OSBPL10: variants seen among roughly 807,000 people sequenced by gnomAD.
OSBPL10 encodes the protein oxysterol binding protein like 10.
OSBPL10 carries 49 observed loss-of-function variants against 81.7 expected under a neutral mutation model. The ratio of observed to expected loss-of-function variants is 0.60; its 90% CI spans 0.48 to 0.76. OSBPL10 has a LOEUF of 0.76. OSBPL10 is among the 30% of genes least tolerant of loss of function. OSBPL10 has a pLI of 0.00. For missense variants in OSBPL10, 923 were observed against 987.8 expected (o/e 0.93, Z 0.88); for synonymous variants, 419 against 383.6 (o/e 1.09, Z -1.08).
At chr3:31,762,895 A>G (rs1252569750) in intron 4 of OSBPL10, among the ~76,000 whole-genome samples, 1 of 152,072 alleles carries the variant, frequency 6.6e-6, no homozygotes, top group African/African-American at 2.4e-5. Flanking sequence ...TCCTCACCTC[A>G]TGACCAGGAA....
intron 8 of OSBPL10, among the ~76,000 whole-genome samples, chr3:31,680,782 G>A (rs763184379): frequency 2.0e-5 from 3 of 152,084 alleles, no homozygotes; most frequent in Non-Finnish European, 1.5e-5. Flanking sequence ...GCATATGGTG[G>A]ACAAATGCCC....
chr3:31,716,152 G>A (rs1011331379), intron 6 of OSBPL10, among the ~76,000 whole-genome samples: 1 of 152,162 alleles, frequency 6.6e-6, no homozygotes, highest in Non-Finnish European at 1.5e-5. Flanking sequence ...TACAGACACA[G>A]AAACTCTGGG....
intron 1 of OSBPL10, among the ~76,000 whole-genome samples, chr3:32,055,191 CTTTTTTTTTTTTTT>C (rs139735770): frequency 2.7e-4 from 16 of 58,248 alleles, no homozygotes; most frequent in African/African-American, 8.2e-4. Flanking sequence ...CTATTTATAG[CTTTTTTTTTTTTTT>C]TTTTTTTTTT....
intron 4 of OSBPL10, among the ~76,000 whole-genome samples, chr3:31,789,394 G>A (rs1024685931): frequency 2.0e-5 from 3 of 152,294 alleles, no homozygotes; most frequent in Admixed American, 1.3e-4. Flanking sequence ...CATCATGAAA[G>A]AGTAGTCTAG....
chr3:32,017,020 T>A (rs1001168673), intron 2 of OSBPL10, among the ~76,000 whole-genome samples: 1 of 152,214 alleles, frequency 6.6e-6, no homozygotes, highest in Admixed American at 6.5e-5. Flanking sequence ...TAATGTTTTA[T>A]AATAAAGTGT....
chr3:31,736,010 A>G (rs571309385), intron 5 of OSBPL10, among the ~76,000 whole-genome samples: 4 of 152,308 alleles, frequency 2.6e-5, no homozygotes, highest in Admixed American at 6.5e-5. Flanking sequence ...TCGGAGACAG[A>G]AAACTTTAAG....
chr3:31,874,118 T>C (rs1010621305), intron 3 of OSBPL10, among the ~76,000 whole-genome samples: 42 of 152,166 alleles, frequency 2.8e-4, no homozygotes, highest in African/African-American at 9.6e-4. Context: ...AATTCTTTTT[T>C]TTTTTTTAAC....
intron 1 of OSBPL10, among the ~76,000 whole-genome samples, chr3:31,940,990 G>A (rs1697520533): frequency 6.6e-6 from 1 of 152,124 alleles, no homozygotes; most frequent in Non-Finnish European, 1.5e-5. Flanking sequence ...TCCCCAGAAT[G>A]TGAATTCCCT....
chr3:31,772,605 A>C lies in OSBPL10; in HGVS notation c.730-24485T>G, dbSNP rs184391012. Among the ~76,000 whole-genome samples, 26 of 152,220 alleles carry C rather than the reference A, an allele frequency of 1.7e-4. No individual in the cohort carries two copies. In the East Asian group the frequency reaches 4.1e-3, roughly 24 times the overall value. ...GGGGCCCCAGAGCTGAGCTTCTTCC[A>C]CTGCACTGCACTGCCCCTGCCGTCT... is the stretch of plus-strand genomic sequence containing the variant. On this transcript the variant is annotated intron_variant, in intron 4 of 11. Transcript: ENST00000396556.
At position 32,061,210 on chromosome 3, in the gene OSBPL10, T is replaced by C. The variant is rs1220493333; in HGVS notation, n.186-14607A>G. Among the ~76,000 whole-genome samples the C allele has an allele frequency of 5.5e-5, 5 of 90,910 alleles. 1 individual carries two copies. Among genetic ancestry groups the C allele is most frequent in the African/African-American group, 1.4e-4 (5 of 35,584 alleles). The allele number at this position is 90,910 out of a possible 152,430, so 59.6% of individuals were successfully genotyped here. A position where few individuals can be genotyped will look rare whatever the true frequency, so the allele number is the denominator to read the frequency against. ...CTCTGTCCCCTGAGCACCCCACAGCTCCCCTCTCACCTTATTGTAACTCTT... is the reference window on the plus strand; with the variant it reads ...CTCTGTCCCCTGAGCACCCCACAGCCCCCCTCTCACCTTATTGTAACTCTT... On this transcript the variant is annotated intron_variant and non_coding_transcript_variant, in intron 1 of 3. Transcript: ENST00000479173.
intron 7 of OSBPL10, among the ~76,000 whole-genome samples, chr3:31,700,098 C>T (rs1695847337): frequency 6.6e-6 from 1 of 152,094 alleles, no homozygotes; most frequent in Admixed American, 6.5e-5. Flanking sequence ...AGTATTTCAG[C>T]TTGTCAAGTC....
intron 4 of OSBPL10, among the ~76,000 whole-genome samples, chr3:31,812,753 A>AGAAAGAAAG (rs1559476205): frequency 2.8e-5 from 1 of 35,798 alleles, no homozygotes; most frequent in African/African-American, 1.2e-4. Context: ...AAAGAAAGAA[A>AGAAAGAAAG]GAAAGAAAGA....
In OSBPL10 at chr3:31,661,612, C is replaced by T. The variant is rs937951046; in HGVS notation, c.*460G>A. Reference sequence around the variant, plus strand: ...CCATACTTCTACCAGGAATGAGCCACTTTCTCCCTTATGGACAGTGATCGG... The same window carrying T: ...CCATACTTCTACCAGGAATGAGCCATTTTCTCCCTTATGGACAGTGATCGG... On this transcript the variant is annotated 3_prime_UTR_variant, in exon 12 of 12. Coordinates refer to ENST00000396556, the MANE Select transcript of OSBPL10 (RefSeq NM_017784.5). 1.3e-5 allele frequency: 2 copies of T among 152,586 alleles called. No individual in the cohort carries two copies. Among genetic ancestry groups the T allele is most frequent in the Non-Finnish European group, 2.9e-5 (2 of 68,328 alleles). The allele number at this position is 152,586 out of a possible 1,614,324, so 9.5% of individuals were successfully genotyped here.
At chr3:31,876,666 CG>C (rs1467131449) in intron 2 of OSBPL10, among the ~76,000 whole-genome samples, 154 bp from the exon 3 acceptor site, 1 of 152,166 alleles carries the variant, frequency 6.6e-6, no homozygotes, top group Non-Finnish European at 1.5e-5. Flanking sequence ...CGTTCTCAAG[CG>C]GCCTGTACTT....
chr3:32,059,593 A>AAAAAC (rs767750962), intron 1 of OSBPL10, among the ~76,000 whole-genome samples: 6 of 151,752 alleles, frequency 4.0e-5, no homozygotes, highest in Non-Finnish European at 7.4e-5. Flanking sequence ...TCCATCTCAA[A>AAAAAC]AAAACAAAAC....
At chr3:31,836,464 A>C (rs1332247423) in intron 3 of OSBPL10, among the ~76,000 whole-genome samples, 1 of 152,202 alleles carries the variant, frequency 6.6e-6, no homozygotes, top group African/African-American at 2.4e-5. Flanking sequence ...AAATAGTGGG[A>C]AACAAAACTT....
intron 1 of OSBPL10, among the ~76,000 whole-genome samples, chr3:31,959,914 A>C (rs556299025): frequency 1.3e-5 from 2 of 152,308 alleles, no homozygotes; most frequent in East Asian, 3.9e-4. Flanking sequence ...CACTTGCAGA[A>C]AAAGGATACA....
intron 4 of OSBPL10, among the ~76,000 whole-genome samples, chr3:31,750,137 G>A (rs991352864): frequency 3.3e-5 from 5 of 151,896 alleles, no homozygotes; most frequent in South Asian, 4.2e-4. Context: ...AGCTGAGATC[G>A]CGCCACTGCA....
intron 3 of OSBPL10, among the ~76,000 whole-genome samples, chr3:31,854,495 A>C (rs1263068709): frequency 6.6e-6 from 1 of 152,212 alleles, no homozygotes; most frequent in East Asian, 1.9e-4. Flanking sequence ...ATTAATAGGT[A>C]ACTTCTCCCA....
Sources: allele counts gnomAD v4.1 joint callset (sites outside exome capture counted in the v4.1 genomes callset), GRCh38; gene constraint gnomAD v4.1.1; transcripts MANE v1.5; gene names NCBI Gene and HGNC (gene_info 2026-07-23, HGNC 2026-07-21).